The following CXADR variants were observed in gnomAD, a reference collection of about 807,000 sequenced individuals.
CXADR encodes the protein CXADR cell adhesion molecule.
In CXADR, 20 loss-of-function variants were observed where a neutral mutation model predicts 40.3. The observed-to-expected ratio is 0.50, with a 90% CI of 0.35 to 0.72. CXADR has a LOEUF of 0.72. CXADR is among the 30% of genes least tolerant of loss of function. The pLI is 0.01. For synonymous variants in CXADR, 150 were observed against 161.3 expected, an observed-to-expected ratio of 0.93 and a Z score of 0.53; for missense variants, 332 against 449.1, an observed-to-expected ratio of 0.74 and a Z score of 2.36.
At chr21:17,593,259 C>T (rs541968805) in exon 8 of CXADR, 2 of 1,302,008 alleles carry the variant, frequency 1.5e-6, no homozygotes, top group Non-Finnish European at 2.0e-6. Flanking sequence ...CTAGTAAAGA[C>T]TTAAATGTTT....
intron 1 of CXADR, chr21:17,542,097 T>A: frequency 3.3e-6 from 1 of 305,884 alleles, no homozygotes; most frequent in Non-Finnish European, 6.4e-6. Context: ...CTTCCATAGC[T>A]TTTGTGTTTT....
the CXADR span, among the ~76,000 whole-genome samples, chr21:17,618,035 C>A: frequency 6.6e-6 from 1 of 152,206 alleles, no homozygotes; most frequent in African/African-American, 2.4e-5. Flanking sequence ...AGCATCTTCA[C>A]TAAGAGTAGA....
At chr21:17,599,030 T>C in the CXADR span, 3 of 446,836 alleles carry the variant, frequency 6.7e-6, no homozygotes, top group Admixed American at 3.9e-5. Flanking sequence ...TATTTAAGTA[T>C]TCATAAACAT....
chr21:17,536,903 C>T (rs1443024130), intron 1 of CXADR, among the ~76,000 whole-genome samples: 1 of 151,938 alleles, frequency 6.6e-6, no homozygotes, highest in Non-Finnish European at 1.5e-5. Context: ...ACTACAGGCG[C>T]CCACCACCAT....
At chr21:17,526,655 C>T (rs1349287216) in intron 1 of CXADR, among the ~76,000 whole-genome samples, 2 of 152,274 alleles carry the variant, frequency 1.3e-5, no homozygotes, top group African/African-American at 4.8e-5. Context: ...TAGACATGCT[C>T]ACAACAGGGA....
intron 7 of CXADR, among the ~76,000 whole-genome samples, chr21:17,578,245 T>G (rs73310211): frequency 0.043 from 6,594 of 152,290 alleles, 452 homozygotes; most frequent in African/African-American, 0.14. Context: ...CCACCAGCAG[T>G]GTACAAGAGT....
Position 17,559,139 on chromosome 21 carries a change from T to G in CXADR, c.571+8T>G, listed in dbSNP as rs373800632. On this transcript the variant is annotated splice_region_variant and intron_variant, in intron 4 of 6. Transcript: ENST00000284878. ...CCACTTCATGGTTAGCAGGTACTGC[T>G]GATAATAGTATTTGTACCACATGCC... The G allele has an allele frequency of 3.5e-5, 57 of 1,613,914 alleles. 1 individual carries two copies. The East Asian group carries it at 7.1e-4, about 20-fold the overall frequency.
At position 17,565,529 on chromosome 21, in the gene CXADR, G is replaced by A. The variant is rs752691038; in HGVS notation, c.935G>A (p.Gly312Glu). ...TCCATGTCTCCTTCCAACATGGAAG[G>A]ATATTCCAAGACTCAGTATAACCAA... ...LGSMSPSNMEGYSKTQYNQVP... is the reference protein window; with the variant it reads ...LGSMSPSNMEEYSKTQYNQVP... The change falls in exon 7 of 7, where the codon GGA becomes GAA. Residue 312 changes from glycine to glutamate, a missense_variant. Physicochemically the swap from Gly to Glu is moderately conservative, Grantham distance 98. Transcript: ENST00000284878. The A allele has an allele frequency of 6.2e-7, 1 of 1,613,878 alleles. No individual in the cohort carries two copies. The highest frequency in any genetic ancestry group is 1.1e-5 in the South Asian group (1 of 91,068).
the CXADR span, among the ~76,000 whole-genome samples, chr21:17,621,912 G>A: frequency 6.6e-5 from 10 of 152,168 alleles, no homozygotes; most frequent in Admixed American, 2.6e-4. Context: ...ATTAAATACC[G>A]CATAAAAGTA....
the CXADR span, among the ~76,000 whole-genome samples, chr21:17,616,554 C>T: frequency 1.3e-5 from 2 of 151,956 alleles, no homozygotes; most frequent in Admixed American, 1.3e-4. Flanking sequence ...CTAGGATGGT[C>T]TCGATCTCCT....
chr21:17,586,116 A>T (rs1960244638), intron 7 of CXADR, among the ~76,000 whole-genome samples: 1 of 152,076 alleles, frequency 6.6e-6, no homozygotes, highest in Non-Finnish European at 1.5e-5. Flanking sequence ...CATCTGGTCT[A>T]AATATGGTCT....
chr21:17,570,242 A>T (rs1438232215), downstream of CXADR: 1 of 921,520 alleles, frequency 1.1e-6, no homozygotes, highest in African/African-American at 1.8e-5. Flanking sequence ...GATTGCGACA[A>T]TCATATTAAT....
Position 17,566,849 on chromosome 21 carries a change from T to C in CXADR, c.*1157T>C, listed in dbSNP as rs1390125860. 1 of 982,268 alleles carries C rather than the reference T, an allele frequency of 1.0e-6. No individual in the cohort carries two copies. Among genetic ancestry groups the C allele is most frequent in the South Asian group, 4.7e-5 (1 of 21,236 alleles). The allele number at this position is 982,268 out of a possible 1,614,324, so 60.8% of individuals were successfully genotyped here. On this transcript the variant is annotated 3_prime_UTR_variant, in exon 7 of 7. Transcript: ENST00000284878. ...ATTCCAGACTTGGGAGGATGTACAG[T>C]TGCTGTTGTGTGATCAAACATGTCT...
At chr21:17,629,718 A>G in the CXADR span, among the ~76,000 whole-genome samples, 2 of 152,176 alleles carry the variant, frequency 1.3e-5, no homozygotes, top group South Asian at 4.1e-4. Flanking sequence ...GATGCCTGTA[A>G]TACCAGCTAC....
At chr21:17,556,283 A>G (rs771241945) in intron 3 of CXADR, among the ~76,000 whole-genome samples, 1 of 152,212 alleles carries the variant, frequency 6.6e-6, no homozygotes, top group Non-Finnish European at 1.5e-5. Context: ...GTTGGCATGT[A>G]AAAGACTTGT....
intron 6 of CXADR, among the ~76,000 whole-genome samples, chr21:17,562,136 G>A (rs1032812684): frequency 9.9e-6 from 1 of 100,810 alleles, no homozygotes; most frequent in African/African-American, 3.8e-5. Flanking sequence ...TAAAAAAACA[G>A]TGTAGATACC....
chr21:17,572,596 G>A (rs1162202966), downstream of CXADR, among the ~76,000 whole-genome samples: 6 of 152,130 alleles, frequency 3.9e-5, no homozygotes, highest in Non-Finnish European at 7.3e-5. Flanking sequence ...GGTGAAATCA[G>A]TGACTCTTCT....
the CXADR span, among the ~76,000 whole-genome samples, chr21:17,604,647 C>T: frequency 1.3e-5 from 2 of 152,166 alleles, no homozygotes; most frequent in South Asian, 2.1e-4. Flanking sequence ...AGAAAACCCC[C>T]GCCTAATCAG....
the CXADR span, among the ~76,000 whole-genome samples, chr21:17,628,493 C>T: frequency 6.6e-6 from 1 of 151,836 alleles, no homozygotes; most frequent in Non-Finnish European, 1.5e-5. Flanking sequence ...AGAAAAACGT[C>T]AATGTCCCAG....
Sources: gnomAD v4.1 joint callset for allele counts (sites outside exome capture counted in the v4.1 genomes callset) on GRCh38, gnomAD v4.1.1 for gene constraint, MANE v1.5 for transcripts, NCBI Gene and HGNC (gene_info 2026-07-23, HGNC 2026-07-21) for gene names.